The following WDR49 variants were observed in gnomAD, a reference collection of about 807,000 sequenced individuals.
The protein encoded by WDR49 is cilia- and flagella-associated protein 337.
In WDR49, 107 loss-of-function variants were observed where a neutral mutation model predicts 119.5. That is an observed-to-expected ratio of 0.90 (90% CI 0.77 to 1.05). The LOEUF (loss-of-function observed/expected upper bound fraction) is 1.05, where lower values mean the gene tolerates loss of function less well. Among genes scored for constraint, WDR49 ranks in the 50% least tolerant of loss-of-function variants. The pLI is 0.00. For synonymous variants in WDR49, 425 were observed against 418.8 expected, an observed-to-expected ratio of 1.01 and a Z score of -0.18; for missense variants, 1,240 against 1,220.5, an observed-to-expected ratio of 1.02 and a Z score of -0.24.
At chr3:167,594,211 G>T (rs1438857415) in intron 7 of WDR49, among the ~76,000 whole-genome samples, 4 of 152,254 alleles carry the variant, frequency 2.6e-5, no homozygotes, top group Middle Eastern at 3.4e-3. Flanking sequence ...AAGTTTGAAG[G>T]GCTCATAAGA....
intron 16 of WDR49, among the ~76,000 whole-genome samples, chr3:167,507,165 AT>A (rs1751801574): frequency 6.6e-6 from 1 of 151,946 alleles, no homozygotes; most frequent in South Asian, 2.1e-4. Flanking sequence ...TTAAGAGGGG[AT>A]GGGGGGGTAG....
At chr3:167,479,269 C>A (rs4955693) in intron 18 of WDR49, among the ~76,000 whole-genome samples, 79,207 of 151,902 alleles carry the variant, frequency 0.52, 21,510 homozygotes, top group African/African-American at 0.69. Flanking sequence ...ATAGAAGTTC[C>A]TGTTTTCCAT....
chr3:167,548,894 C>A (rs1161194975), intron 10 of WDR49, among the ~76,000 whole-genome samples: 1 of 152,062 alleles, frequency 6.6e-6, no homozygotes, highest in East Asian at 1.9e-4. Context: ...ACCCTGTGTC[C>A]AAGTGTTCTC....
intron 17 of WDR49, 86 bp from the exon 18 acceptor site, chr3:167,500,385 A>G: frequency 1.3e-6 from 2 of 1,508,882 alleles, no homozygotes; most frequent in Non-Finnish European, 1.8e-6. Context: ...CACATTTCCA[A>G]GTTAACTTTT....
intron 8 of WDR49, among the ~76,000 whole-genome samples, chr3:167,570,117 A>T (rs549323590): frequency 7.4e-4 from 113 of 152,284 alleles, no homozygotes; most frequent in Non-Finnish European, 1.4e-3. Flanking sequence ...GCCAAAAAAA[A>T]AAAAATCACA....
At chr3:167,593,568 G>C (rs979933699) in intron 7 of WDR49, among the ~76,000 whole-genome samples, 1 of 151,898 alleles carries the variant, frequency 6.6e-6, no homozygotes, top group Non-Finnish European at 1.5e-5. Flanking sequence ...TTCTCCATCT[G>C]AATGGTCACA....
upstream of WDR49, among the ~76,000 whole-genome samples, chr3:167,657,044 C>A (rs1718620523): frequency 6.6e-6 from 1 of 152,174 alleles, no homozygotes; most frequent in Non-Finnish European, 1.5e-5. Flanking sequence ...CCATCTGTGT[C>A]TTTATCACAA....
At chr3:167,625,629 A>G (rs1577286259) in intron 3 of WDR49, among the ~76,000 whole-genome samples, 1 of 152,030 alleles carries the variant, frequency 6.6e-6, no homozygotes, top group Non-Finnish European at 1.5e-5. Flanking sequence ...TAAAAAATTC[A>G]TGGATCTAGG....
chr3:167,592,437 C>CTTTTTTTTTTTTT (rs372398450), intron 7 of WDR49, among the ~76,000 whole-genome samples: 2 of 133,376 alleles, frequency 1.5e-5, no homozygotes, highest in Admixed American at 7.5e-5. Context: ...TTTTCTTTTT[C>CTTTTTTTTTTTTT]TTTTTTTTTT....
At chr3:167,535,588 CA>C (rs1312635058) in intron 11 of WDR49, among the ~76,000 whole-genome samples, 45 of 151,954 alleles carry the variant, frequency 3.0e-4, no homozygotes, top group African/African-American at 9.4e-4. Flanking sequence ...ATCAAAAAAT[CA>C]AAAGATAAAA....
intron 2 of WDR49, among the ~76,000 whole-genome samples, chr3:167,632,416 C>T (rs9819968): frequency 0.29 from 43,602 of 151,746 alleles, 6,528 homozygotes; most frequent in African/African-American, 0.39. Flanking sequence ...AGAAATATGC[C>T]TAGGTTATGA....
chr3:167,634,183 T>C, intron 2 of WDR49, among the ~76,000 whole-genome samples: 1 of 151,980 alleles, frequency 6.6e-6, no homozygotes, highest in African/African-American at 2.4e-5. Context: ...ATCTATATTA[T>C]CTATATGGTC....
chr3:167,558,864 A>G (rs1295931429), intron 9 of WDR49, among the ~76,000 whole-genome samples: 1 of 152,172 alleles, frequency 6.6e-6, no homozygotes, highest in East Asian at 1.9e-4. Flanking sequence ...AGGACTGGTA[A>G]GCGAGATACT....
intron 7 of WDR49, among the ~76,000 whole-genome samples, chr3:167,598,294 G>T (rs1264214623): frequency 1.3e-5 from 2 of 150,966 alleles, no homozygotes; most frequent in East Asian, 3.9e-4. Context: ...GACAGAGCAA[G>T]ACTCCATCTC....
At chr3:167,481,826 G>A (rs908045388) in intron 18 of WDR49, among the ~76,000 whole-genome samples, 2 of 152,088 alleles carry the variant, frequency 1.3e-5, no homozygotes, top group African/African-American at 4.8e-5. Context: ...AGAAAGACTG[G>A]CCCGCATGAT....
At chr3:167,654,445 A>G (rs1165875187), upstream of WDR49, among the ~76,000 whole-genome samples, 2 of 152,230 alleles carry the variant, frequency 1.3e-5, no homozygotes, top group Non-Finnish European at 2.9e-5. Context: ...TTACTGGTTC[A>G]GCTAATAATA....
At chr3:167,509,293 C>T (rs538607560) in intron 16 of WDR49, among the ~76,000 whole-genome samples, 1 of 152,140 alleles carries the variant, frequency 6.6e-6, no homozygotes, top group South Asian at 2.1e-4. Context: ...ACATTAGAGA[C>T]ATTAAGAATA....
At chr3:167,497,603 C>G (rs1002675290) in intron 18 of WDR49, among the ~76,000 whole-genome samples, 2 of 152,164 alleles carry the variant, frequency 1.3e-5, no homozygotes, top group Non-Finnish European at 2.9e-5. Context: ...GAAGCAGGAA[C>G]TCTCACCACT....
chr3:167,515,902 A>G (rs1431492194), intron 16 of WDR49, among the ~76,000 whole-genome samples: 1 of 152,204 alleles, frequency 6.6e-6, no homozygotes, highest in Non-Finnish European at 1.5e-5. Flanking sequence ...AGAGAATAAA[A>G]TATCTAGGAA....
Sources: gnomAD v4.1 joint callset for allele counts (sites outside exome capture counted in the v4.1 genomes callset) on GRCh38, gnomAD v4.1.1 for gene constraint, MANE v1.5 for transcripts, NCBI Gene and HGNC (gene_info 2026-07-23, HGNC 2026-07-21) for gene names.